DPP10: variants seen among roughly 807,000 people sequenced by gnomAD.
The protein encoded by DPP10 is dipeptidyl peptidase like 10.
Under a neutral mutation model 120.9 loss-of-function variants are expected in DPP10, and 33 were observed. The observed-to-expected ratio is 0.27, with a 90% CI of 0.21 to 0.37. The LOEUF is 0.37. Among genes scored for constraint, DPP10 ranks in the 10% least tolerant of loss-of-function variants. DPP10 has a pLI of 1.00. For synonymous variants in DPP10, 337 were observed against 326.1 expected (o/e 1.03, Z -0.36); for missense variants, 816 against 942.8 (o/e 0.87, Z 1.76).
chr2:114,664,614 G>A (rs1176157473), intron 1 of DPP10, among the ~76,000 whole-genome samples: 7 of 135,968 alleles, frequency 5.1e-5, no homozygotes, highest in East Asian at 2.1e-4. Flanking sequence ...GGGTGACAGC[G>A]AGACTCCGTC....
At chr2:115,088,353 G>C (rs1708901951) in intron 1 of DPP10, among the ~76,000 whole-genome samples, 1 of 152,102 alleles carries the variant, frequency 6.6e-6, no homozygotes, top group Non-Finnish European at 1.5e-5. Context: ...ATTTCATAAG[G>C]GTTACTATGG....
chr2:114,564,964 C>T lies in DPP10; in HGVS notation c.60+122126C>T, dbSNP rs189616725. ...TAATAATTTTATTTAATTTCAATCA[C>T]TTAGAGTGGTGTGGACTAAGGATGC... On this transcript the variant is annotated intron_variant, in intron 1 of 25. Transcript: ENST00000410059. Among the ~76,000 whole-genome samples, 24 of 152,304 alleles carry T rather than the reference C, an allele frequency of 1.6e-4. No individual in the cohort carries two copies. In the East Asian group the frequency reaches 3.9e-3, roughly 25 times the overall value.
At chr2:115,674,446 T>G (rs1438550683) in intron 5 of DPP10, among the ~76,000 whole-genome samples, 1 of 151,874 alleles carries the variant, frequency 6.6e-6, no homozygotes, top group Non-Finnish European at 1.5e-5. Flanking sequence ...TCGTATGTAC[T>G]CTCTCCACCT....
intron 1 of DPP10, among the ~76,000 whole-genome samples, chr2:114,936,408 T>C (rs1334002091): frequency 6.6e-6 from 1 of 151,920 alleles, no homozygotes; most frequent in African/African-American, 2.4e-5. Context: ...TATACACATA[T>C]ATACATATAT....
chr2:115,573,803 C>T (rs1316002279), intron 5 of DPP10, among the ~76,000 whole-genome samples: 1 of 152,060 alleles, frequency 6.6e-6, no homozygotes, highest in Admixed American at 6.5e-5. Flanking sequence ...GATCTGCCCG[C>T]CTTGACCTCT....
intron 21 of DPP10, among the ~76,000 whole-genome samples, chr2:115,835,047 T>C (rs147568621): frequency 0.013 from 1,951 of 148,742 alleles, 42 homozygotes; most frequent in African/African-American, 0.043. Flanking sequence ...GGGGGCGGAG[T>C]TTGCAGTGAA....
At chr2:114,619,774 C>A (rs1693955813) in intron 1 of DPP10, among the ~76,000 whole-genome samples, 1 of 151,970 alleles carries the variant, frequency 6.6e-6, no homozygotes, top group Admixed American at 6.6e-5. Context: ...TCAGTTTCTA[C>A]TTGCAGTTCT....
chr2:114,772,835 G>A (rs987071517), intron 1 of DPP10, among the ~76,000 whole-genome samples: 1 of 152,084 alleles, frequency 6.6e-6, no homozygotes, highest in African/African-American at 2.4e-5. Context: ...AGATGGAGCT[G>A]ACTCAATGAG....
At chr2:114,989,897 T>A (rs1258578314) in intron 1 of DPP10, among the ~76,000 whole-genome samples, 1 of 152,194 alleles carries the variant, frequency 6.6e-6, no homozygotes, top group Non-Finnish European at 1.5e-5. Flanking sequence ...CCTTGGGAAA[T>A]GTAAGAGCAG....
chr2:115,738,211 G>A (rs968716729), intron 8 of DPP10, among the ~76,000 whole-genome samples: 6 of 152,076 alleles, frequency 3.9e-5, no homozygotes, highest in East Asian at 3.9e-4. Context: ...CCGTGTACCC[G>A]TTCCTATGTT....
intron 1 of DPP10, among the ~76,000 whole-genome samples, chr2:114,916,780 A>AT (rs1694838955): frequency 6.6e-6 from 1 of 152,174 alleles, no homozygotes; most frequent in African/African-American, 2.4e-5. Flanking sequence ...TCCCTTCATG[A>AT]TAAAAACCTT....
chr2:115,200,889 T>A (rs565998667), intron 1 of DPP10, among the ~76,000 whole-genome samples: 10 of 152,264 alleles, frequency 6.6e-5, no homozygotes, highest in Admixed American at 6.5e-4. Context: ...GACTTCAGAG[T>A]TTTATCCCAA....
intron 1 of DPP10, among the ~76,000 whole-genome samples, chr2:114,674,713 T>C (rs777907990): frequency 1.3e-5 from 2 of 152,172 alleles, no homozygotes; most frequent in South Asian, 2.1e-4. Context: ...AGATCTGTTG[T>C]ACGATATGTG....
chr2:114,580,536 T>A (rs933631378), intron 1 of DPP10, among the ~76,000 whole-genome samples: 3 of 152,188 alleles, frequency 2.0e-5, no homozygotes, highest in African/African-American at 7.2e-5. Flanking sequence ...TTTGGAATAA[T>A]GCCTGTCTTT....
At chr2:115,015,001 TGAG>T (rs1702532682) in intron 1 of DPP10, among the ~76,000 whole-genome samples, 2 of 152,216 alleles carry the variant, frequency 1.3e-5, no homozygotes, top group African/African-American at 2.4e-5. Flanking sequence ...ACTCATTTTA[TGAG>T]GCCAGCATCA....
chr2:114,459,764 A>G (rs1042226014), intron 1 of DPP10, among the ~76,000 whole-genome samples: 3 of 152,126 alleles, frequency 2.0e-5, no homozygotes, highest in Non-Finnish European at 2.9e-5. Flanking sequence ...TTTTTATTTT[A>G]TATGTGACTT....
intron 3 of DPP10, among the ~76,000 whole-genome samples, chr2:115,494,382 A>G (rs370415973): frequency 2.2e-4 from 33 of 152,268 alleles, no homozygotes; most frequent in African/African-American, 7.9e-4. Flanking sequence ...TGGGAAAAAA[A>G]TGTGCATGCA....
At chr2:115,009,632 C>T (rs1397866315) in intron 1 of DPP10, among the ~76,000 whole-genome samples, 2 of 150,714 alleles carry the variant, frequency 1.3e-5, no homozygotes, top group Admixed American at 1.3e-4. Flanking sequence ...ATGGATATCC[C>T]TTGGGCTAGG....
At chr2:114,616,424 G>A (rs756985887) in intron 1 of DPP10, among the ~76,000 whole-genome samples, 1 of 152,038 alleles carries the variant, frequency 6.6e-6, no homozygotes. Flanking sequence ...ACAAGATCAT[G>A]CTTCAAGTAG....
Sources: allele counts gnomAD v4.1 joint callset (sites outside exome capture counted in the v4.1 genomes callset), GRCh38; gene constraint gnomAD v4.1.1; transcripts MANE v1.5; gene names NCBI Gene and HGNC (gene_info 2026-07-23, HGNC 2026-07-21).